GAS6: variants seen among roughly 807,000 people sequenced by gnomAD.
The protein encoded by GAS6 is growth arrest specific 6.
Under a neutral mutation model 75.8 loss-of-function variants are expected in GAS6, and 41 were observed. That is an observed-to-expected ratio of 0.54 (90% CI 0.42 to 0.70). The LOEUF (loss-of-function observed/expected upper bound fraction) is 0.70. Ranked by LOEUF, GAS6 falls within the 30% of genes least tolerant of loss-of-function variation. The pLI is 0.00. For synonymous variants in GAS6, 432 were observed against 412.6 expected (o/e 1.05, Z -0.57); for missense variants, 854 against 940.2 (o/e 0.91, Z 1.20).
chr13:113,846,850 G>A, intron 3 of GAS6: 1 of 529,234 alleles, frequency 1.9e-6, no homozygotes, highest in Non-Finnish European at 3.5e-6. Flanking sequence ...CGTTTCGAGG[G>A]GGCTCCTCCT....
Position 113,837,831 on chromosome 13 carries a change from G to C in GAS6, c.589+238C>G, listed in dbSNP as rs1164392643. 6.6e-6 allele frequency among the ~76,000 whole-genome samples: 1 copy of C among 152,148 alleles called. No homozygotes were observed. The highest frequency in any genetic ancestry group is 2.4e-5 in the African/African-American group (1 of 41,414). Reference sequence around the variant, plus strand: ...CTACAGCCAGCAGTGTGGCCTCATGGGCTGGGCCGGCCCCCTGAGTCCTGG... The same window carrying C: ...CTACAGCCAGCAGTGTGGCCTCATGCGCTGGGCCGGCCCCCTGAGTCCTGG... On this transcript the variant is annotated intron_variant, in intron 6 of 14. Coordinates refer to ENST00000327773, the MANE Select transcript of GAS6 (RefSeq NM_000820.4). This position sits in a 1 kb window ranked among gnomAD's most constrained non-coding sequence, Gnocchi z 5.1.
chr13:113,826,683 C>G (rs76935702), intron 12 of GAS6, among the ~76,000 whole-genome samples: 1,120 of 33,456 alleles, frequency 0.033, 163 homozygotes, highest in African/African-American at 0.31. Flanking sequence ...TTCTCTCCCC[C>G]GCCTCCTGGC....
chr13:113,838,831 C>T (rs990019822), intron 5 of GAS6, among the ~76,000 whole-genome samples: 1 of 150,816 alleles, frequency 6.6e-6, no homozygotes, highest in Non-Finnish European at 1.5e-5. Flanking sequence ...CCTGGGAGTG[C>T]ACAGCCCAGC....
At position 113,844,538 on chromosome 13, in the gene GAS6, GAC is replaced by G. The variant is rs765825947; in HGVS notation, c.343+1987_343+1988del. 2.4e-4 allele frequency: 36 copies of G among 150,758 alleles called. No individual in the cohort carries two copies. The highest frequency in any genetic ancestry group is 2.1e-3 in the South Asian group (10 of 4,824). The allele number at this position is 150,758 out of a possible 1,614,324, so 9.3% of individuals were successfully genotyped here. On this transcript the variant is annotated intron_variant, in intron 4 of 14. Transcript: ENST00000327773. This position sits in a 1 kb window ranked among gnomAD's most constrained non-coding sequence, Gnocchi z 5.7. ...GGTTAGGAAAGCGCAACACTGTTCA[GAC>G]ACAGTCTCCGATATATGAATGGCAA...
In GAS6 at chr13:113,837,996, A is replaced by G; in HGVS notation, c.589+73T>C. 4 of 1,571,648 alleles carry G rather than the reference A, an allele frequency of 2.5e-6. No homozygotes were observed. In the Admixed American group the frequency reaches 5.2e-5, roughly 20 times the overall value. On this transcript the variant is annotated intron_variant, in intron 6 of 14. Coordinates refer to ENST00000327773, the MANE Select transcript of GAS6 (RefSeq NM_000820.4). This position sits in a 1 kb window ranked among gnomAD's most constrained non-coding sequence, Gnocchi z 5.1. ...AACCCAGCCAGCAGCAGCCGCTTGC[A>G]GAAGAGCAGACATGACCGAAAATAG...
intron 12 of GAS6, among the ~76,000 whole-genome samples, chr13:113,823,971 G>A (rs1242772723): frequency 6.6e-6 from 1 of 152,250 alleles, no homozygotes; most frequent in Admixed American, 6.5e-5. Context: ...TCAGGTAGCA[G>A]CACAGGGCCC....
Position 113,835,554 on chromosome 13 carries a change from TCA to T in GAS6, c.669_670del (p.Cys223Ter), listed in dbSNP as rs1289469616. The T allele has an allele frequency of 4.3e-6, 7 of 1,612,464 alleles. No individual in the cohort carries two copies. The highest frequency in any genetic ancestry group is 5.9e-6 in the Non-Finnish European group (7 of 1,179,846). ...CTGGGAGCTGTACGCAAAGCCCTCG[TCA>T]CAGAGGCAGGAGTAGGAGCCGGGCA... On this transcript the variant is annotated stop_gained and frameshift_variant, in exon 7 of 15. Transcript: ENST00000327773.
intron 2 of GAS6, among the ~76,000 whole-genome samples, chr13:113,852,944 G>C (rs1566372996): frequency 1.3e-5 from 2 of 152,174 alleles, no homozygotes; most frequent in African/African-American, 4.8e-5. Context: ...GCCACCGCAG[G>C]AATCAGGCAG....
In GAS6 at chr13:113,825,677, G is replaced by A. The variant is rs376416038; in HGVS notation, c.1477+1319C>T. Among the ~76,000 whole-genome samples, 4 of 152,220 alleles carry A rather than the reference G, an allele frequency of 2.6e-5. No individual in the cohort carries two copies. The East Asian group carries it at 7.7e-4, about 29-fold the overall frequency. ...TAAGCATTTCATATGACATGATTTC[G>A]TGTCAAACATTATGATGCTCTAGAT... is the stretch of plus-strand genomic sequence containing the variant. On this transcript the variant is annotated intron_variant, in intron 12 of 14. Transcript: ENST00000327773.
rs1364304339 is a variant in GAS6, at chr13:113,837,506, G to A, written c.589+563C>T. 6.6e-6 allele frequency among the ~76,000 whole-genome samples: 1 copy of A among 152,188 alleles called. No homozygotes were observed. The highest frequency in any genetic ancestry group is 6.5e-5 in the Admixed American group (1 of 15,288). On this transcript the variant is annotated intron_variant, in intron 6 of 14. Transcript: ENST00000327773. The surrounding 1 kb of genome is among the most constrained non-coding windows in gnomAD (Gnocchi z 5.1). ...GCAAAGTGGCAAAGGGCCAGTGGCAGCAGCAGCACCTGGAACAGCGTCGGG... is the reference window on the plus strand; with the variant it reads ...GCAAAGTGGCAAAGGGCCAGTGGCAACAGCAGCACCTGGAACAGCGTCGGG...
chr13:113,833,674 C>T, intron 8 of GAS6: 1 of 995,746 alleles, frequency 1.0e-6, no homozygotes, highest in Non-Finnish European at 1.2e-6. Flanking sequence ...GTCGGTGTGA[C>T]AGACACCGGT....
chr13:113,838,845 C>T (rs927001223), intron 5 of GAS6, among the ~76,000 whole-genome samples: 15 of 142,142 alleles, frequency 1.1e-4, no homozygotes, highest in African/African-American at 7.9e-5. Flanking sequence ...GCCCAGCCCC[C>T]GAGCAGAGAG....
In GAS6 at chr13:113,820,627, A is replaced by AATT. The variant is rs1455518843; in HGVS notation, c.*234_*236dup. ...GCGCTTGGTAATAAAAATAATAGAGAATTATTTTCTTCGAGCCCGCTCTGC... is the reference window on the plus strand; with the variant it reads ...GCGCTTGGTAATAAAAATAATAGAGAATTATTATTTTCTTCGAGCCCGCTCTGC... On this transcript the variant is annotated 3_prime_UTR_variant, in exon 15 of 15. Coordinates refer to ENST00000327773, the MANE Select transcript of GAS6 (RefSeq NM_000820.4). 2 of 495,812 alleles carry AATT rather than the reference A, an allele frequency of 4.0e-6. No homozygotes were observed. Among genetic ancestry groups the AATT allele is most frequent in the African/African-American group, 1.9e-5 (1 of 52,834 alleles). The allele number at this position is 495,812 out of a possible 1,614,324, so 30.7% of individuals were successfully genotyped here. A position where few individuals can be genotyped will look rare whatever the true frequency, so the allele number is the denominator to read the frequency against.
chr13:113,841,383 T>C (rs1270923421), intron 4 of GAS6: 2 of 152,740 alleles, frequency 1.3e-5, no homozygotes, highest in African/African-American at 4.8e-5. Context: ...CTGGCTTCTT[T>C]CTGCGACGCT....
At position 113,855,830 on chromosome 13, in the gene GAS6, C is replaced by G. The variant is rs573652930; in HGVS notation, c.255+7745G>C. ...GCAGCTGCCTGAGGGACAGGCTTCT[C>G]CTCCAGCTTTATCCAAGTTGAGCTG... On this transcript the variant is annotated intron_variant, in intron 2 of 14. Coordinates refer to ENST00000327773, the MANE Select transcript of GAS6 (RefSeq NM_000820.4). Among the ~76,000 whole-genome samples the G allele has an allele frequency of 4.6e-5, 7 of 152,356 alleles. No homozygotes were observed. The East Asian group carries it at 1.4e-3, about 29-fold the overall frequency.
chr13:113,852,360 G>C (rs1214367276), intron 2 of GAS6, among the ~76,000 whole-genome samples: 1 of 152,200 alleles, frequency 6.6e-6, no homozygotes, highest in Non-Finnish European at 1.5e-5. Context: ...GGTGTGAACA[G>C]TGGAGCCGGT....
rs2051822993 is a variant in GAS6 at position 113,845,034 on chromosome 13, G to A, written c.343+1493C>T. 1 of 141,724 alleles carries A rather than the reference G, an allele frequency of 7.1e-6. No individual in the cohort carries two copies. The highest frequency in any genetic ancestry group is 2.9e-5 in the African/African-American group (1 of 33,948). The allele number at this position is 141,724 out of a possible 1,614,324, so 8.8% of individuals were successfully genotyped here. A position where few individuals can be genotyped will look rare whatever the true frequency, so the allele number is the denominator to read the frequency against. On this transcript the variant is annotated intron_variant, in intron 4 of 14. Transcript: ENST00000327773. The surrounding 1 kb of genome is among the most constrained non-coding windows in gnomAD (Gnocchi z 4.3). The stretch of plus-strand genomic sequence containing the variant: ...TTTAGCAATCACTAAGATAAAACAC[G>A]CGTGACAGGATCTGCTTGTCTCCTC...
intron 13 of GAS6, 109 bp downstream of exon 13, chr13:113,823,266 G>A: frequency 8.1e-7 from 1 of 1,241,480 alleles, no homozygotes; most frequent in Non-Finnish European, 1.1e-6. Context: ...GAGGCTTTGG[G>A]GGTCCCTGGG....
chr13:113,825,992 C>T (rs992074958), intron 12 of GAS6, among the ~76,000 whole-genome samples: 3 of 152,168 alleles, frequency 2.0e-5, no homozygotes, highest in Admixed American at 6.5e-5. Context: ...TCACCATAAA[C>T]GGCTCGGTGT....
Sources: allele counts gnomAD v4.1 joint callset (sites outside exome capture counted in the v4.1 genomes callset), GRCh38; gene constraint gnomAD v4.1.1; non-coding constraint Gnocchi (gnomAD v3.1); transcripts MANE v1.5; gene names NCBI Gene and HGNC (gene_info 2026-07-23, HGNC 2026-07-21).